HBS1L: variants seen among roughly 807,000 people sequenced by gnomAD.
The protein encoded by HBS1L is HBS1-like protein.
HBS1L carries 55 observed loss-of-function variants against 88.9 expected under a neutral mutation model. The observed-to-expected ratio is 0.62, with a 90% CI of 0.50 to 0.77. HBS1L has a LOEUF of 0.77. Ranked by LOEUF, HBS1L falls within the 30% of genes least tolerant of loss-of-function variation. HBS1L has a pLI of 0.00. For synonymous variants in HBS1L, 267 were observed against 288.5 expected (o/e 0.93, Z 0.76); for missense variants, 741 against 829.3 (o/e 0.89, Z 1.31).
chr6:135,015,986 A>C (rs1269405986), intron 4 of HBS1L, among the ~76,000 whole-genome samples: 1 of 151,682 alleles, frequency 6.6e-6, no homozygotes, highest in Non-Finnish European at 1.5e-5. Context: ...CCTGGGTTCA[A>C]GAGATTCTCC....
At chr6:135,030,072 C>A (rs1441750512) in intron 4 of HBS1L, among the ~76,000 whole-genome samples, 1 of 152,142 alleles carries the variant, frequency 6.6e-6, no homozygotes, top group Non-Finnish European at 1.5e-5. Flanking sequence ...ATGTGCCAGA[C>A]ATATTCTGAG....
chr6:134,976,332 T>C (rs1269770837), intron 15 of HBS1L, among the ~76,000 whole-genome samples: 1 of 152,164 alleles, frequency 6.6e-6, no homozygotes, highest in African/African-American at 2.4e-5. Context: ...GTATAGCCTC[T>C]GAGGAAAACA....
At position 134,963,130 on chromosome 6, in the gene HBS1L, C is replaced by G. The variant is rs1337194095; in HGVS notation, c.*2149G>C. On this transcript the variant is annotated 3_prime_UTR_variant, in exon 18 of 18. Coordinates refer to ENST00000367837, the MANE Select transcript of HBS1L (RefSeq NM_006620.4). ...TGGATGGTTTCTTGTTTTTACTCCC[C>G]CTACCTTAAACCCCAATCCATTTCC... The G allele has an allele frequency of 6.6e-6, 1 of 152,086 alleles. No homozygotes were observed. The highest frequency in any genetic ancestry group is 1.5e-5 in the Non-Finnish European group (1 of 68,016). 9.4% of individuals were successfully genotyped at this position (152,086 alleles called of 1,614,324 possible).
chr6:134,968,160 G>A (rs1774370743), intron 16 of HBS1L, among the ~76,000 whole-genome samples: 1 of 152,052 alleles, frequency 6.6e-6, no homozygotes, highest in South Asian at 2.1e-4. Flanking sequence ...GATGTTATTG[G>A]AAAAGAAGTT....
intron 5 of HBS1L, among the ~76,000 whole-genome samples, chr6:134,998,003 C>T (rs1045590810): frequency 1.3e-5 from 2 of 152,096 alleles, no homozygotes; most frequent in African/African-American, 2.4e-5. Flanking sequence ...AAAATTGGCA[C>T]CAAATATATT....
At position 134,965,068 on chromosome 6, in the gene HBS1L, T is replaced by C. The variant is rs1300551442; in HGVS notation, c.*211A>G. The stretch of plus-strand genomic sequence containing the variant: ...TAACGTTTCAAAGGCAAAGTTGTTT[T>C]TAACATTAGACTTTCTTTGCCAGTT... On this transcript the variant is annotated 3_prime_UTR_variant, in exon 18 of 18. Coordinates refer to ENST00000367837, the MANE Select transcript of HBS1L (RefSeq NM_006620.4). The C allele has an allele frequency of 5.3e-6, 3 of 570,860 alleles. No individual in the cohort carries two copies. The highest frequency in any genetic ancestry group is 9.2e-6 in the Non-Finnish European group (3 of 325,320). The allele number at this position is 570,860 out of a possible 1,614,324, so 35.4% of individuals were successfully genotyped here.
chr6:134,977,415 C>T (rs1774679833), intron 15 of HBS1L, among the ~76,000 whole-genome samples: 2 of 151,978 alleles, frequency 1.3e-5, no homozygotes, highest in Admixed American at 1.3e-4. Flanking sequence ...TCGCTCACAA[C>T]AATTAACTTG....
rs1308061787 is a variant in HBS1L, at chr6:135,002,854, G to A, written c.431-12C>T. 5.1e-6 allele frequency: 8 copies of A among 1,558,470 alleles called. No homozygotes were observed. The Admixed American group carries it at 6.7e-5, about 13-fold the overall frequency. Reference sequence around the variant, plus strand: ...ATCTACTGGTTTTCCTAGTTAAGGAGTAAAATATAAAAGGCCAATTAATTT... The same window carrying A: ...ATCTACTGGTTTTCCTAGTTAAGGAATAAAATATAAAAGGCCAATTAATTT... On this transcript the variant is annotated splice_polypyrimidine_tract_variant and intron_variant, in intron 4 of 17. Coordinates refer to ENST00000367837, the MANE Select transcript of HBS1L (RefSeq NM_006620.4).
intron 12 of HBS1L, among the ~76,000 whole-genome samples, chr6:134,984,496 GTGCGCAGGT>G (rs1774923736): frequency 6.6e-6 from 1 of 152,194 alleles, no homozygotes; most frequent in African/African-American, 2.4e-5. Context: ...GTCAGGGCAT[GTGCGCAGGT>G]AAGCACGCCG....
chr6:135,047,095 T>A (rs1025775997), intron 2 of HBS1L, among the ~76,000 whole-genome samples: 6 of 152,178 alleles, frequency 3.9e-5, no homozygotes, highest in Admixed American at 3.9e-4. Context: ...AGAGTCAGAC[T>A]GTCCTGAATA....
intron 5 of HBS1L, among the ~76,000 whole-genome samples, chr6:135,001,968 T>C: frequency 6.6e-6 from 1 of 151,722 alleles, no homozygotes; most frequent in East Asian, 1.9e-4. Flanking sequence ...AAAAAGTATA[T>C]ATATATAAAA....
intron 6 of HBS1L, 91 bp downstream of exon 6, chr6:134,997,306 A>G (rs1269803783): frequency 1.4e-6 from 2 of 1,466,478 alleles, no homozygotes; most frequent in Non-Finnish European, 1.9e-6. Flanking sequence ...CATTCCACCC[A>G]TGGAGAAACT....
intron 17 of HBS1L, 145 bp from the exon 18 acceptor site, chr6:134,965,435 C>G: frequency 1.6e-6 from 1 of 617,454 alleles, no homozygotes; most frequent in East Asian, 2.8e-5. Context: ...CTTTCCTAGT[C>G]ATGCCATTTC....
chr6:134,993,851 C>T lies in HBS1L; in HGVS notation c.990G>A (p.Met330Ile). 6.3e-7 allele frequency: 1 copy of T among 1,598,226 alleles called. No homozygotes were observed. The highest frequency in any genetic ancestry group is 8.6e-7 in the Non-Finnish European group (1 of 1,167,860). ...CTTTGGTTGTGGTTTCAAACTTTGT[C>T]ATACCAACATCCATGGTTACTCCCC... ...RERGVTMDVG[M>I]TKFETTTKVI... Residue 330 changes from methionine to isoleucine, a missense_variant, in exon 8 of 18, where the codon ATG becomes ATA. Coordinates refer to ENST00000367837, the MANE Select transcript of HBS1L (RefSeq NM_006620.4).
chr6:134,973,019 T>C (rs1774534979), intron 15 of HBS1L, among the ~76,000 whole-genome samples: 1 of 152,232 alleles, frequency 6.6e-6, no homozygotes, highest in Non-Finnish European at 1.5e-5. Context: ...AGAGCCCCTG[T>C]GGAAAATGGT....
At chr6:135,014,220 A>T (rs1032789567) in intron 4 of HBS1L, among the ~76,000 whole-genome samples, 1 of 152,180 alleles carries the variant, frequency 6.6e-6, no homozygotes, top group East Asian at 1.9e-4. Flanking sequence ...TCAGAATCTT[A>T]TTTCTCTTAC....
chr6:134,998,309 A>C (rs1775348995), intron 5 of HBS1L, among the ~76,000 whole-genome samples: 1 of 152,252 alleles, frequency 6.6e-6, no homozygotes, highest in Non-Finnish European at 1.5e-5. Context: ...AGATATATAA[A>C]GGAGAAACAA....
chr6:134,992,573 A>G (rs1775172862), intron 8 of HBS1L, among the ~76,000 whole-genome samples: 1 of 152,096 alleles, frequency 6.6e-6, no homozygotes, highest in Non-Finnish European at 1.5e-5. Flanking sequence ...TAATGTGCGT[A>G]TTTGTGTCTT....
At chr6:135,025,131 C>G (rs765397080) in intron 4 of HBS1L, among the ~76,000 whole-genome samples, 1 of 152,098 alleles carries the variant, frequency 6.6e-6, no homozygotes, top group Admixed American at 6.6e-5. Flanking sequence ...TGTTTCTATC[C>G]CAATCTTCTT....
Sources: allele counts gnomAD v4.1 joint callset (sites outside exome capture counted in the v4.1 genomes callset), GRCh38; gene constraint gnomAD v4.1.1; transcripts MANE v1.5; gene names NCBI Gene and HGNC (gene_info 2026-07-23, HGNC 2026-07-21).